Variants in FILIP1 observed in about 807,000 individuals in gnomAD.
FILIP1 encodes the protein filamin A interacting protein 1.
Under a neutral mutation model 102.1 loss-of-function variants are expected in FILIP1, and 61 were observed. That is an observed-to-expected ratio of 0.60 (90% confidence interval 0.49 to 0.74). FILIP1 has a LOEUF of 0.74. FILIP1 is among the 30% of genes least tolerant of loss of function. FILIP1 has a pLI of 0.00. For missense variants in FILIP1, 1,314 were observed against 1,441.2 expected, an observed-to-expected ratio of 0.91 and a Z score of 1.43; for synonymous variants, 491 against 526.9, an observed-to-expected ratio of 0.93 and a Z score of 0.93.
chr6:75,428,239 A>C (rs1221824501), intron 1 of FILIP1, among the ~76,000 whole-genome samples: 1 of 152,132 alleles, frequency 6.6e-6, no homozygotes, highest in Non-Finnish European at 1.5e-5. Context: ...TATCAGGCAT[A>C]TCTTTGCTTC....
intron 4 of FILIP1, among the ~76,000 whole-genome samples, chr6:75,335,880 T>C (rs1774225356): frequency 6.6e-6 from 1 of 152,194 alleles, no homozygotes; most frequent in Admixed American, 6.6e-5. Context: ...GTCATGCCCT[T>C]TGCTTTAAGA....
At position 75,313,477 on chromosome 6, in the gene FILIP1, A is replaced by G. The variant is rs1773289889; in HGVS notation, c.2355T>C (p.Ala785=). The change falls in exon 5 of 6, where the codon GCT becomes GCC. Residue 785 remains alanine (A), a synonymous_variant. Transcript: ENST00000237172. This position sits in a 1 kb window ranked among gnomAD's most constrained non-coding sequence, Gnocchi z 4.2. ...ELELSKRYSR[A]LRPSVNGRRM... is the part of the protein sequence containing the mutation. ...TTCTTCCATTCACACTGGGCCTAAG[A>G]GCTCTGCTGTAGCGCTTGGAAAGCT... The G allele has an allele frequency of 6.2e-7, 1 of 1,614,154 alleles. No homozygotes were observed. The highest frequency in any genetic ancestry group is 8.5e-7 in the Non-Finnish European group (1 of 1,180,032).
intron 4 of FILIP1, among the ~76,000 whole-genome samples, chr6:75,318,620 C>A (rs924093494): frequency 6.6e-6 from 1 of 152,080 alleles, no homozygotes; most frequent in African/African-American, 2.4e-5. Context: ...AGAATGTCAA[C>A]AAAACTGCTG....
chr6:75,376,051 AAT>A (rs1325998739), intron 2 of FILIP1, among the ~76,000 whole-genome samples: 1 of 152,218 alleles, frequency 6.6e-6, no homozygotes, highest in Non-Finnish European at 1.5e-5. Flanking sequence ...CCACTTAAAA[AAT>A]ATATAAGGTA....
rs76136973 is a variant in FILIP1, at chr6:75,346,548, C to T, written c.629+6991G>A. 8.5e-4 allele frequency among the ~76,000 whole-genome samples: 129 copies of T among 152,248 alleles called. 1 individual carries two copies. The East Asian group carries it at 0.024, about 29-fold the overall frequency. On this transcript the variant is annotated intron_variant, in intron 4 of 5. Coordinates refer to ENST00000237172, the MANE Select transcript of FILIP1 (RefSeq NM_015687.5). ...GGGTGCCTGGTAGATAAGCAACATG[C>T]TCCTAGTTCCACAGCACTGATAGTA...
chr6:75,418,308 AG>A (rs1263419853), intron 1 of FILIP1, among the ~76,000 whole-genome samples: 2 of 152,274 alleles, frequency 1.3e-5, no homozygotes, highest in African/African-American at 4.8e-5. Context: ...ACACTCACAT[AG>A]CAATTTAAAT....
chr6:75,413,867 C>T (rs980424878), intron 2 of FILIP1, among the ~76,000 whole-genome samples: 8 of 150,508 alleles, frequency 5.3e-5, no homozygotes, highest in African/African-American at 2.0e-4. Flanking sequence ...TCCTCACTTC[C>T]TGCCTGCCTC....
chr6:75,389,932 T>C (rs1373211023), intron 2 of FILIP1, among the ~76,000 whole-genome samples: 1 of 152,142 alleles, frequency 6.6e-6, no homozygotes, highest in Non-Finnish European at 1.5e-5. Context: ...GAATGTTCCC[T>C]TCACCTCCTT....
chr6:75,428,405 T>G (rs1451858856), intron 1 of FILIP1: 1 of 143,136 alleles, frequency 7.0e-6, no homozygotes, highest in Non-Finnish European at 1.5e-5. Flanking sequence ...GGAGAGCTTG[T>G]TAATAGATTA....
In FILIP1 at chr6:75,314,443, G is replaced by T. The variant is rs1414917110; in HGVS notation, c.1389C>A (p.Thr463=). The T allele has an allele frequency of 6.3e-7, 1 of 1,576,634 alleles. No homozygotes were observed. The highest frequency in any genetic ancestry group is 8.6e-7 in the Non-Finnish European group (1 of 1,167,406). Residue 463 remains threonine (T), a synonymous_variant, in exon 5 of 6, where the codon ACC becomes ACA. Coordinates refer to ENST00000237172, the MANE Select transcript of FILIP1 (RefSeq NM_015687.5). ...HLNLEKEKNL[T]KDLLNELEVV... The stretch of plus-strand genomic sequence containing the variant: ...CCTCCAATTCATTTAGCAGGTCTTT[G>T]GTTAAGTTCTTTTCTTTCTCCAGAT...
intron 1 of FILIP1, among the ~76,000 whole-genome samples, chr6:75,464,119 C>A (rs572297992): frequency 1.3e-5 from 2 of 152,174 alleles, no homozygotes; most frequent in African/African-American, 4.8e-5. Context: ...CCCTTGACGT[C>A]ATCCTTTTAA....
chr6:75,401,907 G>A (rs141386957), intron 2 of FILIP1, among the ~76,000 whole-genome samples: 109 of 152,220 alleles, frequency 7.2e-4, no homozygotes, highest in Middle Eastern at 3.4e-3. Flanking sequence ...GGAAATATTT[G>A]TACAGGTAAG....
chr6:75,383,144 T>C (rs756423795), intron 2 of FILIP1, among the ~76,000 whole-genome samples: 1 of 152,158 alleles, frequency 6.6e-6, no homozygotes, highest in Non-Finnish European at 1.5e-5. Flanking sequence ...GTAGATGTCA[T>C]AAGGCAGTGG....
At chr6:75,431,534 G>C (rs1030850827) in intron 1 of FILIP1, among the ~76,000 whole-genome samples, 1 of 152,118 alleles carries the variant, frequency 6.6e-6, no homozygotes, top group Non-Finnish European at 1.5e-5. Context: ...CATAAATTGA[G>C]AATTGCTTTT....
chr6:75,444,060 A>G (rs149180719), intron 1 of FILIP1, among the ~76,000 whole-genome samples: 2 of 152,352 alleles, frequency 1.3e-5, no homozygotes, highest in Admixed American at 6.5e-5. Flanking sequence ...ATAAAGGCAA[A>G]TAATGGTAAA....
At chr6:75,455,013 G>T (rs9359123) in intron 1 of FILIP1, 25,029 of 151,868 alleles carry the variant, frequency 0.16, 2,100 homozygotes, top group East Asian at 0.25. Context: ...TACCTAGGAG[G>T]TGGGAGCATT....
chr6:75,348,430 T>C (rs1056459502), intron 4 of FILIP1, among the ~76,000 whole-genome samples: 8 of 152,208 alleles, frequency 5.3e-5, no homozygotes, highest in African/African-American at 1.7e-4. Flanking sequence ...AAAATGGTGT[T>C]TTCTCTTTTT....
chr6:75,333,684 C>A (rs1774151581), intron 4 of FILIP1, among the ~76,000 whole-genome samples: 1 of 152,164 alleles, frequency 6.6e-6, no homozygotes, highest in South Asian at 2.1e-4. Flanking sequence ...TCATGTGAAT[C>A]TAAAATCACA....
intron 2 of FILIP1, among the ~76,000 whole-genome samples, chr6:75,372,723 AG>A (rs1562515500): frequency 1.3e-3 from 74 of 56,592 alleles, no homozygotes; most frequent in East Asian, 9.8e-3. Flanking sequence ...GGAAAGAAAG[AG>A]AAAGAGAAAG....
Sources: gnomAD v4.1 joint callset for allele counts (sites outside exome capture counted in the v4.1 genomes callset) on GRCh38, gnomAD v4.1.1 for gene constraint, Gnocchi (gnomAD v3.1) non-coding constraint, MANE v1.5 for transcripts, NCBI Gene and HGNC (gene_info 2026-07-23, HGNC 2026-07-21) for gene names.